The following TENM4 variants were observed in gnomAD, a reference collection of about 807,000 sequenced individuals.
The protein encoded by TENM4 is teneurin transmembrane protein 4.
Under a neutral mutation model 243.3 loss-of-function variants are expected in TENM4, and 82 were observed. The observed-to-expected ratio is 0.34, with a 90% CI of 0.28 to 0.40. TENM4 has a LOEUF of 0.40. TENM4 is among the 10% of genes least tolerant of loss of function. The pLI is 1.00. For synonymous variants in TENM4, 1,412 were observed against 1,456.3 expected (o/e 0.97, Z 0.69); for missense variants, 3,138 against 3,673.3 (o/e 0.85, Z 3.77).
At chr11:79,375,997 C>T (rs1346956600) in intron 1 of TENM4, among the ~76,000 whole-genome samples, 1 of 152,210 alleles carries the variant, frequency 6.6e-6, no homozygotes, top group Non-Finnish European at 1.5e-5. Context: ...TGCACTTTTA[C>T]ATTCTAAAGG....
In TENM4 at chr11:78,653,524, G is replaced by A. The variant is rs1014366892; in HGVS notation, c.*4534C>T. ...TGGTAAGGCCAGAGTCTCCAGTGTT[G>A]GTCATCCAGAAGCAGCTTGGTACAG... On this transcript the variant is annotated 3_prime_UTR_variant, in exon 34 of 34. Transcript: ENST00000278550. The A allele has an allele frequency of 6.6e-6, 1 of 152,176 alleles. No individual in the cohort carries two copies. The highest frequency in any genetic ancestry group is 1.5e-5 in the Non-Finnish European group (1 of 68,040). The allele number at this position is 152,176 out of a possible 1,614,324, so 9.4% of individuals were successfully genotyped here. A position where few individuals can be genotyped will look rare whatever the true frequency, so the allele number is the denominator to read the frequency against.
At chr11:79,225,076 C>T (rs919061912) in intron 2 of TENM4, among the ~76,000 whole-genome samples, 1 of 152,170 alleles carries the variant, frequency 6.6e-6, no homozygotes, top group Non-Finnish European at 1.5e-5. Context: ...AAGTCCAGGA[C>T]AGATTCTTCC....
intron 3 of TENM4, among the ~76,000 whole-genome samples, chr11:79,214,811 C>G (rs956556504): frequency 6.6e-6 from 1 of 152,222 alleles, no homozygotes; most frequent in South Asian, 2.1e-4. Flanking sequence ...GCCAATCATC[C>G]AGGTCGTACC....
chr11:79,366,075 C>A (rs574598961), intron 1 of TENM4, among the ~76,000 whole-genome samples: 6 of 152,290 alleles, frequency 3.9e-5, no homozygotes, highest in African/African-American at 1.4e-4. Flanking sequence ...AAATTACTAA[C>A]CTGTCTAATC....
chr11:79,187,063 C>T (rs916368655), intron 3 of TENM4, among the ~76,000 whole-genome samples: 1 of 152,194 alleles, frequency 6.6e-6, no homozygotes, highest in African/African-American at 2.4e-5. Flanking sequence ...CAACCCCTTC[C>T]CATTCCTCCC....
At position 79,111,010 on chromosome 11, in the gene TENM4, C is replaced by A. The variant is rs181950400; in HGVS notation, c.-66+37700G>T. 2.1e-3 allele frequency among the ~76,000 whole-genome samples: 319 copies of A among 152,302 alleles called. 1 individual carries two copies. The highest frequency in any genetic ancestry group is 3.5e-3 in the Non-Finnish European group (239 of 68,020). On this transcript the variant is annotated intron_variant, in intron 4 of 33. Transcript: ENST00000278550. ...ACCCAAATCTCATCTTGAATTGTAC[C>A]TCTCATAATTTCCATGAGTTGTGGG...
chr11:78,888,825 G>T (rs1449629874), intron 9 of TENM4, among the ~76,000 whole-genome samples: 1 of 152,130 alleles, frequency 6.6e-6, no homozygotes, highest in Non-Finnish European at 1.5e-5. Context: ...GCATGGGTTC[G>T]AGGCCTTCTC....
At chr11:79,335,497 T>C (rs918166769) in intron 1 of TENM4, among the ~76,000 whole-genome samples, 1 of 152,184 alleles carries the variant, frequency 6.6e-6, no homozygotes, top group African/African-American at 2.4e-5. Context: ...TTGGTACATT[T>C]GTATCAATTT....
At position 78,657,422 on chromosome 11, in the gene TENM4, G is replaced by T. The variant is rs1857922680; in HGVS notation, c.*636C>A. 5.2e-6 allele frequency: 2 copies of T among 382,302 alleles called. No homozygotes were observed. The highest frequency in any genetic ancestry group is 3.7e-5 in the East Asian group (1 of 26,802). 23.7% of individuals were successfully genotyped at this position (382,302 alleles called of 1,614,324 possible). On this transcript the variant is annotated 3_prime_UTR_variant, in exon 34 of 34. Coordinates refer to ENST00000278550, the MANE Select transcript of TENM4 (RefSeq NM_001098816.3). The stretch of plus-strand genomic sequence containing the variant: ...TAGAAAGCTTGAACAGGAGTTTGGG[G>T]CAGCTTAAAAAAGGTGCTGAACAAC...
At chr11:78,804,283 T>C (rs970945516) in intron 15 of TENM4, among the ~76,000 whole-genome samples, 1 of 152,234 alleles carries the variant, frequency 6.6e-6, no homozygotes, top group African/African-American at 2.4e-5. Context: ...GTTGTTGTTG[T>C]TCCCCTCCCC....
chr11:79,396,989 C>A (rs946411997), intron 1 of TENM4, among the ~76,000 whole-genome samples: 2 of 152,158 alleles, frequency 1.3e-5, no homozygotes, highest in African/African-American at 2.4e-5. Context: ...TTCTCCTGAG[C>A]ACTGTGTCAA....
At chr11:79,184,640 T>G (rs1863350517) in intron 3 of TENM4, among the ~76,000 whole-genome samples, 1 of 152,136 alleles carries the variant, frequency 6.6e-6, no homozygotes, top group Non-Finnish European at 1.5e-5. Flanking sequence ...TACCGTATGA[T>G]TCCACTTATG....
chr11:78,714,154 GAA>G (rs1357235455), intron 25 of TENM4, among the ~76,000 whole-genome samples: 2 of 152,186 alleles, frequency 1.3e-5, no homozygotes, highest in Admixed American at 1.3e-4. Context: ...AAGAGAATTT[GAA>G]AAGTCTAGAA....
chr11:78,965,394 A>G (rs1857416894), intron 6 of TENM4, among the ~76,000 whole-genome samples: 2 of 152,094 alleles, frequency 1.3e-5, no homozygotes. Context: ...TTAAGCCAAT[A>G]TACGTTGATT....
rs192021487 is a variant in TENM4 at position 79,265,207 on chromosome 11, G to A, written c.-265+32281C>T. On this transcript the variant is annotated intron_variant, in intron 2 of 33. Coordinates refer to ENST00000278550, the MANE Select transcript of TENM4 (RefSeq NM_001098816.3). ...AACTGCATGCTCCCTGGTGACACAG[G>A]CCATTTCTTGTTTGACTTTATATCA... Among the ~76,000 whole-genome samples the A allele has an allele frequency of 3.2e-4, 49 of 152,258 alleles. 1 individual carries two copies. The East Asian group carries it at 9.1e-3, about 28-fold the overall frequency.
chr11:79,177,082 C>G (rs1170970961), intron 3 of TENM4, among the ~76,000 whole-genome samples: 1 of 152,140 alleles, frequency 6.6e-6, no homozygotes, highest in Non-Finnish European at 1.5e-5. Flanking sequence ...GTTCTAAGCC[C>G]TAACATGGTG....
chr11:79,411,859 C>T (rs1858707764), intron 1 of TENM4, among the ~76,000 whole-genome samples: 1 of 152,198 alleles, frequency 6.6e-6, no homozygotes, highest in South Asian at 2.1e-4. Context: ...TCAGCTCTGT[C>T]AATGTGTGAA....
chr11:79,397,347 G>A (rs1161477259), intron 1 of TENM4, among the ~76,000 whole-genome samples: 2 of 152,172 alleles, frequency 1.3e-5, no homozygotes, highest in African/African-American at 4.8e-5. Flanking sequence ...CCAGGGGACT[G>A]AGTAACTGGA....
chr11:79,047,437 G>GCTCA (rs1463456663), intron 6 of TENM4, among the ~76,000 whole-genome samples: 1 of 152,196 alleles, frequency 6.6e-6, no homozygotes, highest in Non-Finnish European at 1.5e-5. Flanking sequence ...AATACATCAA[G>GCTCA]CTCACTCGTG....
Sources: allele counts gnomAD v4.1 joint callset (sites outside exome capture counted in the v4.1 genomes callset), GRCh38; gene constraint gnomAD v4.1.1; transcripts MANE v1.5; gene names NCBI Gene and HGNC (gene_info 2026-07-23, HGNC 2026-07-21).